PPARGC1A: variants seen among roughly 807,000 people sequenced by gnomAD.
The protein encoded by PPARGC1A is peroxisome proliferator-activated receptor gamma coactivator 1-alpha.
Under a neutral mutation model 88.7 loss-of-function variants are expected in PPARGC1A, and 25 were observed. The observed-to-expected ratio is 0.28, with a 90% confidence interval of 0.21 to 0.39. PPARGC1A has a LOEUF of 0.39. PPARGC1A is among the 10% of genes least tolerant of loss of function. The pLI is 1.00. For synonymous variants in PPARGC1A, 363 were observed against 355.6 expected (o/e 1.02, Z -0.24); for missense variants, 880 against 968.7 (o/e 0.91, Z 1.22).
the PPARGC1A span, among the ~76,000 whole-genome samples, chr4:24,384,209 G>C: frequency 1.3e-5 from 2 of 152,154 alleles, no homozygotes; most frequent in Non-Finnish European, 2.9e-5. Flanking sequence ...CACCAGGTCT[G>C]CCTTACAAGA....
chr4:23,964,781 T>A, the PPARGC1A span, among the ~76,000 whole-genome samples: 1 of 152,040 alleles, frequency 6.6e-6, no homozygotes, highest in South Asian at 2.1e-4. Context: ...CAAAGAAGAA[T>A]TCTTAAAGAA....
At chr4:24,051,214 C>CAAAAAAAAAAAAAAAAAAAAAAAAAA in the PPARGC1A span, among the ~76,000 whole-genome samples, 2 of 118,996 alleles carry the variant, frequency 1.7e-5, no homozygotes. Flanking sequence ...AAAAAAAAAC[C>CAAAAAAAAAAAAAAAAAAAAAAAAAA]AAACCTAAAC....
At chr4:24,066,950 C>T in the PPARGC1A span, among the ~76,000 whole-genome samples, 2 of 143,388 alleles carry the variant, frequency 1.4e-5, no homozygotes, top group African/African-American at 5.2e-5. Context: ...AAGGCCAACA[C>T]ACATTTCAGT....
chr4:24,083,840 C>A, the PPARGC1A span, among the ~76,000 whole-genome samples: 1 of 152,212 alleles, frequency 6.6e-6, no homozygotes, highest in Non-Finnish European at 1.5e-5. Context: ...GAGTACAACT[C>A]AAGGGCAGCG....
the PPARGC1A span, among the ~76,000 whole-genome samples, chr4:24,111,820 C>T: frequency 6.6e-6 from 1 of 152,150 alleles, no homozygotes; most frequent in Non-Finnish European, 1.5e-5. Context: ...TGGAGACAGT[C>T]AACACACATG....
chr4:23,879,971 C>T (rs922131861), intron 2 of PPARGC1A: 21 of 152,168 alleles, frequency 1.4e-4, no homozygotes, highest in African/African-American at 2.7e-4. Context: ...TCTATGAAAA[C>T]GCTCTGCTCT....
intron 2 of PPARGC1A, chr4:23,883,028 T>C (rs1386656723): frequency 6.6e-6 from 1 of 152,182 alleles, no homozygotes; most frequent in African/African-American, 2.4e-5. Flanking sequence ...GAGATGGACA[T>C]TTTTTAAAGC....
At chr4:24,229,651 G>A in the PPARGC1A span, among the ~76,000 whole-genome samples, 3 of 151,236 alleles carry the variant, frequency 2.0e-5, no homozygotes, top group Non-Finnish European at 4.4e-5. Context: ...TGACCAATAT[G>A]GTGAAACCCT....
chr4:23,825,219 C>A (rs1723717477), intron 5 of PPARGC1A: 1 of 151,958 alleles, frequency 6.6e-6, no homozygotes, highest in Non-Finnish European at 1.5e-5. Flanking sequence ...AATCTTCTCA[C>A]CCAAAATTTC....
intron 2 of PPARGC1A, among the ~76,000 whole-genome samples, chr4:23,865,387 T>C (rs1711701254): frequency 6.6e-6 from 1 of 152,132 alleles, no homozygotes; most frequent in Non-Finnish European, 1.5e-5. Flanking sequence ...AGTCCTAAGT[T>C]CCTCATCTGT....
the PPARGC1A span, among the ~76,000 whole-genome samples, chr4:24,386,727 C>A: frequency 6.6e-6 from 1 of 152,054 alleles, no homozygotes; most frequent in East Asian, 1.9e-4. Context: ...AACCACTGCT[C>A]AAGGAAATAA....
At chr4:24,351,414 G>T in the PPARGC1A span, among the ~76,000 whole-genome samples, 3 of 148,702 alleles carry the variant, frequency 2.0e-5, no homozygotes, top group Non-Finnish European at 4.5e-5. Context: ...AAAAAGAAAA[G>T]AAAAAGAAAG....
chr4:23,871,917 G>C (rs1713459869), intron 2 of PPARGC1A, among the ~76,000 whole-genome samples: 1 of 152,148 alleles, frequency 6.6e-6, no homozygotes, highest in Non-Finnish European at 1.5e-5. Context: ...GTAAGGCTTG[G>C]TAGGGATGTA....
At chr4:23,841,616 G>A (rs1438808218) in intron 2 of PPARGC1A, among the ~76,000 whole-genome samples, 1 of 151,828 alleles carries the variant, frequency 6.6e-6, no homozygotes, top group Non-Finnish European at 1.5e-5. Context: ...TAAAAACCTT[G>A]AGAACTGAGG....
the PPARGC1A span, among the ~76,000 whole-genome samples, chr4:24,231,161 C>G: frequency 6.6e-6 from 1 of 152,126 alleles, no homozygotes; most frequent in Non-Finnish European, 1.5e-5. Context: ...AAAACCCCAG[C>G]TCTTTATGAT....
the PPARGC1A span, among the ~76,000 whole-genome samples, chr4:24,020,877 C>T: frequency 4.6e-5 from 7 of 152,306 alleles, no homozygotes; most frequent in Non-Finnish European, 1.0e-4. Context: ...TCTCTTCATT[C>T]TGTCAAGAAT....
chr4:24,344,383 C>T, the PPARGC1A span, among the ~76,000 whole-genome samples: 2 of 151,984 alleles, frequency 1.3e-5, no homozygotes, highest in African/African-American at 4.8e-5. Flanking sequence ...AGAAGTGTTC[C>T]CTGTTCACTA....
chr4:24,398,840 A>T, the PPARGC1A span, among the ~76,000 whole-genome samples: 3,108 of 152,282 alleles, frequency 0.02, 99 homozygotes, highest in East Asian at 0.15. Flanking sequence ...TAAAATCAAG[A>T]TTTCTTCCAG....
chr4:24,337,564 G>A, the PPARGC1A span, among the ~76,000 whole-genome samples: 1 of 152,022 alleles, frequency 6.6e-6, no homozygotes, highest in South Asian at 2.1e-4. Flanking sequence ...AGCGTGGGGA[G>A]ATGATGTCTG....
Sources: allele counts gnomAD v4.1 joint callset (sites outside exome capture counted in the v4.1 genomes callset), GRCh38; gene constraint gnomAD v4.1.1; transcripts MANE v1.5; gene names NCBI Gene and HGNC (gene_info 2026-07-23, HGNC 2026-07-21).